NEK11: variants seen among roughly 807,000 people sequenced by gnomAD.
NEK11 encodes the protein NIMA related kinase 11.
In NEK11, 72 loss-of-function variants were observed where a neutral mutation model predicts 80.7. The observed-to-expected ratio is 0.89, with a 90% CI of 0.74 to 1.08. The LOEUF is 1.08. NEK11 is among the 50% of genes least tolerant of loss of function. The pLI is 0.00. For synonymous variants in NEK11, 251 were observed against 260.7 expected, an observed-to-expected ratio of 0.96 and a Z score of 0.36; for missense variants, 764 against 763.6, an observed-to-expected ratio of 1.00 and a Z score of -0.01.
intron 17 of NEK11, among the ~76,000 whole-genome samples, chr3:131,316,622 T>A (rs1371709625): frequency 1.3e-5 from 2 of 151,898 alleles, no homozygotes; most frequent in Non-Finnish European, 2.9e-5. Context: ...GTGTTTTTGC[T>A]TTTTTGTTTT....
chr3:131,181,596 A>T (rs1157186261), intron 14 of NEK11, among the ~76,000 whole-genome samples: 1 of 152,024 alleles, frequency 6.6e-6, no homozygotes, highest in South Asian at 2.1e-4. Flanking sequence ...AATACAAAAA[A>T]TTAGCAGGGT....
At chr3:131,258,114 G>C (rs2095848734) in intron 16 of NEK11, among the ~76,000 whole-genome samples, 2 of 150,750 alleles carry the variant, frequency 1.3e-5, no homozygotes, top group East Asian at 3.9e-4. Flanking sequence ...TGGGAGCTAA[G>C]CTGTGGGGAC....
At chr3:131,152,772 T>A in intron 9 of NEK11, 63 bp downstream of exon 9, 1 of 1,145,280 alleles carries the variant, frequency 8.7e-7, no homozygotes, top group Non-Finnish European at 1.3e-6. Flanking sequence ...ATTCCATGAC[T>A]TGAAGATATG....
intron 17 of NEK11, among the ~76,000 whole-genome samples, chr3:131,274,832 T>C (rs1255968725): frequency 6.6e-6 from 1 of 151,484 alleles, no homozygotes; most frequent in Non-Finnish European, 1.5e-5. Flanking sequence ...TTTTTGTATT[T>C]TTAGTAGAGA....
At chr3:131,338,290 T>TC (rs2097225417) in intron 17 of NEK11, among the ~76,000 whole-genome samples, 1 of 149,274 alleles carries the variant, frequency 6.7e-6, no homozygotes, top group African/African-American at 2.5e-5. Context: ...TTTTTTTTTT[T>TC]TAATACTAAG....
intron 4 of NEK11, among the ~76,000 whole-genome samples, chr3:131,090,389 T>C (rs2076554230): frequency 6.6e-6 from 1 of 152,216 alleles, no homozygotes; most frequent in African/African-American, 2.4e-5. Flanking sequence ...AAGGAAAACA[T>C]TTTTTGATAG....
chr3:131,204,999 G>A (rs959583108), intron 14 of NEK11, among the ~76,000 whole-genome samples: 3 of 152,030 alleles, frequency 2.0e-5, no homozygotes, highest in Non-Finnish European at 4.4e-5. Flanking sequence ...AGACACCATG[G>A]CTGAGCAATT....
chr3:131,117,290 G>A (rs1438671756), intron 5 of NEK11, among the ~76,000 whole-genome samples: 3 of 152,154 alleles, frequency 2.0e-5, no homozygotes, highest in African/African-American at 7.2e-5. Context: ...AGTTGTAGAT[G>A]TGTGGTATTA....
At chr3:131,193,805 T>A (rs1184318697) in intron 14 of NEK11, among the ~76,000 whole-genome samples, 1 of 152,218 alleles carries the variant, frequency 6.6e-6, no homozygotes, top group Non-Finnish European at 1.5e-5. Context: ...AATCATTTAC[T>A]TAAATATTTC....
intron 7 of NEK11, among the ~76,000 whole-genome samples, chr3:131,142,813 C>T (rs1167899423): frequency 6.6e-6 from 1 of 152,132 alleles, no homozygotes; most frequent in Non-Finnish European, 1.5e-5. Context: ...CCATTAGCCA[C>T]ATTCTTATGG....
intron 3 of NEK11, among the ~76,000 whole-genome samples, chr3:131,033,752 A>G (rs1473637313): frequency 6.6e-6 from 1 of 152,204 alleles, no homozygotes; most frequent in East Asian, 1.9e-4. Flanking sequence ...ATTTTTATTC[A>G]CTTTCTGAAT....
chr3:131,256,240 G>A (rs1227196314), intron 16 of NEK11, among the ~76,000 whole-genome samples: 1 of 152,098 alleles, frequency 6.6e-6, no homozygotes, highest in Non-Finnish European at 1.5e-5. Flanking sequence ...AATGATGAAT[G>A]TATAAGGTGA....
chr3:131,203,810 T>A (rs1263550744), intron 14 of NEK11, among the ~76,000 whole-genome samples: 2 of 75,834 alleles, frequency 2.6e-5, no homozygotes, highest in African/African-American at 1.2e-4. Flanking sequence ...TATATATATA[T>A]ATATATATAT....
rs139452759 is a variant in NEK11 at position 131,046,094 on chromosome 3, G to A, written c.170+16216G>A. Among the ~76,000 whole-genome samples the A allele has an allele frequency of 3.0e-3, 462 of 152,184 alleles. 1 individual carries two copies. The highest frequency in any genetic ancestry group is 6.8e-3 in the Middle Eastern group (2 of 294). On this transcript the variant is annotated intron_variant, in intron 3 of 17. Transcript: ENST00000383366. ...TGTGTCTTTTAAGTGGAGCATTTAT[G>A]TTATTTACATTCAACATTAATATTG...
intron 17 of NEK11, among the ~76,000 whole-genome samples, chr3:131,346,718 G>A (rs550922066): frequency 4.6e-5 from 7 of 152,286 alleles, no homozygotes; most frequent in African/African-American, 1.7e-4. Context: ...CATGGGGGTA[G>A]AGTCGAAGTG....
intron 17 of NEK11, among the ~76,000 whole-genome samples, chr3:131,343,601 G>C (rs1262976127): frequency 6.6e-6 from 1 of 152,160 alleles, no homozygotes; most frequent in Admixed American, 6.5e-5. Flanking sequence ...TGAACACCAG[G>C]CTTTTGCGTA....
At chr3:131,044,422 C>CAA (rs57412173) in intron 3 of NEK11, among the ~76,000 whole-genome samples, 19,070 of 37,740 alleles carry the variant, frequency 0.51, 5,242 homozygotes, top group Non-Finnish European at 0.58. Context: ...AAATGGAAAG[C>CAA]AAAAAAAAAA....
chr3:131,056,123 T>C (rs1205681118), intron 3 of NEK11, among the ~76,000 whole-genome samples: 1 of 152,202 alleles, frequency 6.6e-6, no homozygotes, highest in Non-Finnish European at 1.5e-5. Flanking sequence ...GGCTTCATTT[T>C]ACTGCCTTGA....
intron 4 of NEK11, among the ~76,000 whole-genome samples, chr3:131,086,318 T>G (rs960452104): frequency 6.6e-6 from 1 of 152,228 alleles, no homozygotes; most frequent in African/African-American, 2.4e-5. Flanking sequence ...TGGCGATTCT[T>G]ACTCTCTATT....
Sources: allele counts gnomAD v4.1 joint callset (sites outside exome capture counted in the v4.1 genomes callset), GRCh38; gene constraint gnomAD v4.1.1; transcripts MANE v1.5; gene names NCBI Gene and HGNC (gene_info 2026-07-23, HGNC 2026-07-21).